Variants in GMEB1 observed in about 807,000 individuals in gnomAD.
GMEB1 encodes glucocorticoid modulatory element binding protein 1, also known as glucocorticoid modulatory element-binding protein 1.
Under a neutral mutation model 52.4 loss-of-function variants are expected in GMEB1, and 6 were observed. That is an observed-to-expected ratio of 0.11 (90% CI 0.06 to 0.23). The LOEUF (loss-of-function observed/expected upper bound fraction) is 0.23, where lower values mean the gene tolerates loss of function less well. GMEB1 is among the 10% of genes least tolerant of loss of function. The pLI is 1.00. For synonymous variants in GMEB1, 255 were observed against 244.9 expected, an observed-to-expected ratio of 1.04 and a Z score of -0.38; for missense variants, 486 against 685.6, an observed-to-expected ratio of 0.71 and a Z score of 3.25.
chr1:28,696,038 T>A (rs1670192999), intron 5 of GMEB1, among the ~76,000 whole-genome samples: 1 of 129,978 alleles, frequency 7.7e-6, no homozygotes, highest in Non-Finnish European at 1.6e-5. Flanking sequence ...TATCTTTATT[T>A]TTATTGTTTG....
chr1:28,697,217 AT>A, intron 6 of GMEB1, 133 bp downstream of exon 6: 8 of 143,758 alleles, frequency 5.6e-5, no homozygotes, highest in East Asian at 2.3e-4. Flanking sequence ...TTTTATTTTA[AT>A]TTTTTTTGAG....
intron 8 of GMEB1, among the ~76,000 whole-genome samples, chr1:28,709,014 A>G (rs1670917071): frequency 2.0e-5 from 3 of 151,846 alleles, no homozygotes; most frequent in Admixed American, 2.0e-4. Flanking sequence ...GGCGCCTGTA[A>G]TCCCAGCTAC....
At chr1:28,690,307 T>A (rs1457981785) in intron 3 of GMEB1, 121 bp downstream of exon 3, 1 of 583,106 alleles carries the variant, frequency 1.7e-6, no homozygotes, top group African/African-American at 1.9e-5. Flanking sequence ...CATCCCTGTG[T>A]GCCCTACCAG....
chr1:28,669,681 A>G (rs1323564761), intron 1 of GMEB1, among the ~76,000 whole-genome samples: 2 of 152,050 alleles, frequency 1.3e-5, no homozygotes, highest in Admixed American at 1.3e-4. Flanking sequence ...ACCTGAGGGG[A>G]TGGAAGGTGT....
intron 6 of GMEB1, among the ~76,000 whole-genome samples, chr1:28,700,615 G>A (rs1469616751): frequency 6.0e-5 from 9 of 151,122 alleles, no homozygotes; most frequent in Non-Finnish European, 1.0e-4. Flanking sequence ...AACCTGGGAC[G>A]CGGAGACTGC....
intron 5 of GMEB1, among the ~76,000 whole-genome samples, chr1:28,695,347 C>T (rs947874431): frequency 1.3e-5 from 2 of 151,884 alleles, no homozygotes; most frequent in African/African-American, 4.8e-5. Flanking sequence ...ATTCTCCTGC[C>T]TCAGCCTCCC....
chr1:28,690,204 T>TTG lies in GMEB1; in HGVS notation c.211+19_211+20insGT, dbSNP rs1553136974. 1.3e-5 allele frequency: 6 copies of TTG among 475,100 alleles called. No individual in the cohort carries two copies. Among genetic ancestry groups the TTG allele is most frequent in the Non-Finnish European group, 1.6e-5 (5 of 310,456 alleles). The allele number at this position is 475,100 out of a possible 1,614,324, so 29.4% of individuals were successfully genotyped here. On this transcript the variant is annotated intron_variant, in intron 3 of 9. Transcript: ENST00000373816. ...AGGGATTGGTAAGGGTTTTTTTGTG[T>TTG]TTTTTTTTTTTTTTTTTTTTGTCAT...
chr1:28,673,076 G>A lies in GMEB1; in HGVS notation c.-31+4237G>A, dbSNP rs528875359. Among the ~76,000 whole-genome samples, 3 of 152,132 alleles carry A rather than the reference G, an allele frequency of 2.0e-5. No individual in the cohort carries two copies. In the East Asian group the frequency reaches 5.8e-4, roughly 29 times the overall value. ...ACGCCCGGCTAATTTTGTATTTTTA[G>A]TAGAGACGTGGTTTCTCCATGTTGG... is the stretch of plus-strand genomic sequence containing the variant. On this transcript the variant is annotated intron_variant, in intron 1 of 9. Coordinates refer to ENST00000373816, the MANE Select transcript of GMEB1 (RefSeq NM_001319674.2).
intron 1 of GMEB1, among the ~76,000 whole-genome samples, chr1:28,677,138 G>T (rs142886665): frequency 6.6e-6 from 1 of 151,942 alleles, no homozygotes; most frequent in African/African-American, 2.4e-5. Context: ...GTTTAGACTT[G>T]TGTCCTATCC....
chr1:28,714,497 G>C lies in GMEB1; in HGVS notation c.1416G>C (p.Gly472=), dbSNP rs147065711. 3 of 1,614,046 alleles carry C rather than the reference G, an allele frequency of 1.9e-6. No homozygotes were observed. The highest frequency in any genetic ancestry group is 2.5e-6 in the Non-Finnish European group (3 of 1,180,006). ...ALLSSTAMQD[G]STLGNMTTMV... The stretch of plus-strand genomic sequence containing the variant: ...TGAGCTCTACTGCCATGCAGGATGG[G>C]AGTACACTGGGCAACATGACCACCA... Residue 472 remains glycine (G), a synonymous_variant, in exon 10 of 10, where the codon GGG becomes GGC. Transcript: ENST00000373816.
intron 7 of GMEB1, 31 bp downstream of exon 7, chr1:28,702,600 A>G: frequency 6.2e-7 from 1 of 1,604,034 alleles, no homozygotes; most frequent in Non-Finnish European, 8.5e-7. Context: ...GATGTCTTGC[A>G]GGGTCTTGTG....
At chr1:28,699,320 G>A (rs1250267787) in intron 6 of GMEB1, among the ~76,000 whole-genome samples, 1 of 152,100 alleles carries the variant, frequency 6.6e-6, no homozygotes, top group African/African-American at 2.4e-5. Flanking sequence ...CTATATAGTT[G>A]GATAAAATGT....
chr1:28,680,975 C>T (rs1331405397), intron 1 of GMEB1, among the ~76,000 whole-genome samples: 1 of 151,896 alleles, frequency 6.6e-6, no homozygotes, highest in African/African-American at 2.4e-5. Context: ...ACCCAGAAGG[C>T]GGAGGTTATA....
At chr1:28,700,470 C>T (rs111970765) in intron 6 of GMEB1, among the ~76,000 whole-genome samples, 3 of 147,004 alleles carry the variant, frequency 2.0e-5, no homozygotes, top group East Asian at 2.0e-4. Context: ...GCCGAGATCG[C>T]GCCACTGCAT....
Position 28,714,718 on chromosome 1 carries a change from T to C in GMEB1, c.1637T>C (p.Met546Thr), listed in dbSNP as rs779279054. 1.9e-6 allele frequency: 3 copies of C among 1,614,144 alleles called. No homozygotes were observed. In the East Asian group the frequency reaches 6.7e-5, roughly 36 times the overall value. The change falls in exon 10 of 10, where the codon ATG becomes ACG. Residue 546 changes from methionine to threonine, a missense_variant. By Grantham distance (81) the Met-to-Thr change is moderately conservative. Around this residue, in one of 5 missense-constraint regions of GMEB1, gnomAD observed 153 missense variants for 200.8 expected, o/e 0.76. Transcript: ENST00000373816. The part of the protein sequence containing the change: ...LRTEEKVVAE[M>T]EEHQHQVHNV... Reference sequence around the variant, plus strand: ...ACTGAGGAGAAAGTTGTGGCTGAGATGGAAGAACACCAGCATCAAGTTCAC... The same window carrying C: ...ACTGAGGAGAAAGTTGTGGCTGAGACGGAAGAACACCAGCATCAAGTTCAC...
At chr1:28,671,280 T>C (rs972104633) in intron 1 of GMEB1, among the ~76,000 whole-genome samples, 2 of 152,174 alleles carry the variant, frequency 1.3e-5, no homozygotes, top group Admixed American at 6.6e-5. Flanking sequence ...TTTATTTTAT[T>C]TTTTTGGGGG....
At chr1:28,711,820 G>A (rs146064536) in intron 9 of GMEB1, among the ~76,000 whole-genome samples, 97 of 152,258 alleles carry the variant, frequency 6.4e-4, no homozygotes, top group African/African-American at 2.2e-3. Flanking sequence ...GTAATCAGAT[G>A]TGTAGGGGTT....
At chr1:28,714,012 C>G in intron 9 of GMEB1, 61 bp from the exon 10 acceptor site, 1 of 1,238,572 alleles carries the variant, frequency 8.1e-7, no homozygotes, top group Non-Finnish European at 1.1e-6. Flanking sequence ...TCCTGACTCT[C>G]AGTTTAATGC....
chr1:28,704,411 C>A, intron 8 of GMEB1, 82 bp downstream of exon 8: 1 of 1,083,076 alleles, frequency 9.2e-7, no homozygotes, highest in Non-Finnish European at 1.3e-6. Flanking sequence ...TTGCAAAAAC[C>A]CTGATGTATA....
Sources: gnomAD v4.1 joint callset for allele counts (sites outside exome capture counted in the v4.1 genomes callset) on GRCh38, gnomAD v4.1.1 for gene constraint, gnomAD v4.1.1 regional missense constraint, MANE v1.5 for transcripts, NCBI Gene and HGNC (gene_info 2026-07-23, HGNC 2026-07-21) for gene names.